Variants in CDC42EP5 observed in about 807,000 individuals in gnomAD.
CDC42EP5 encodes CDC42 effector protein (Rho GTPase binding) 5.
For missense variants in CDC42EP5, 269 were observed against 238.0 expected (o/e 1.13, Z -0.86); for synonymous variants, 118 against 123.3 (o/e 0.96, Z 0.28).
intron 2 of CDC42EP5, among the ~76,000 whole-genome samples, chr19:54,466,210 A>C (rs1418476515): frequency 6.6e-6 from 1 of 152,010 alleles, no homozygotes; most frequent in Admixed American, 6.6e-5. Context: ...TGGGAGGCCG[A>C]GGCGGGCGGA....
Position 54,466,688 on chromosome 19 carries a change from A to G in CDC42EP5, c.1-1141T>C, listed in dbSNP as rs545298535. Among the ~76,000 whole-genome samples, 573 of 152,110 alleles carry G rather than the reference A, an allele frequency of 3.8e-3. 6 individuals are homozygous for G. The highest frequency in any genetic ancestry group is 6.6e-3 in the Non-Finnish European group (449 of 67,992). On this transcript the variant is annotated intron_variant, in intron 2 of 2. Transcript: ENST00000301200. ...ACTGCTGATAAAAAATACTGGGGAA[A>G]AAATACAGTAATAAAAAATGAGTAC...
Position 54,465,094 on chromosome 19 carries a change from A to C in CDC42EP5, c.*7T>G. On this transcript the variant is annotated 3_prime_UTR_variant, in exon 3 of 3. Transcript: ENST00000301200. ...CCGGGCGGGAAGGGCGCGGGGAATGAGGGAACCTAGAGGCCGATGACGTCG... is the reference window on the plus strand; with the variant it reads ...CCGGGCGGGAAGGGCGCGGGGAATGCGGGAACCTAGAGGCCGATGACGTCG... 1 of 1,346,268 alleles carries C rather than the reference A, an allele frequency of 7.4e-7. No individual in the cohort carries two copies. Among genetic ancestry groups the C allele is most frequent in the South Asian group, 1.9e-5 (1 of 52,986 alleles). 83.4% of individuals were successfully genotyped at this position (1,346,268 alleles called of 1,614,324 possible). A position where few individuals can be genotyped will look rare whatever the true frequency, so the allele number is the denominator to read the frequency against.
intron 1 of CDC42EP5, among the ~76,000 whole-genome samples, chr19:54,472,665 C>A: frequency 2.4e-5 from 1 of 41,096 alleles, no homozygotes; most frequent in Non-Finnish European, 4.8e-5. Context: ...GCCCCCATCC[C>A]CTCCTCCCTC....
intron 2 of CDC42EP5, among the ~76,000 whole-genome samples, chr19:54,469,790 C>A (rs929058594): frequency 6.6e-6 from 1 of 152,172 alleles, no homozygotes; most frequent in Admixed American, 6.5e-5. Flanking sequence ...TAGGGAACTC[C>A]AGTGTCTAGA....
intron 2 of CDC42EP5, among the ~76,000 whole-genome samples, chr19:54,466,552 G>A (rs2084758164): frequency 6.6e-6 from 1 of 152,210 alleles, no homozygotes; most frequent in African/African-American, 2.4e-5. Flanking sequence ...CCTGCCTAGA[G>A]CCCACCACGC....
intron 2 of CDC42EP5, among the ~76,000 whole-genome samples, chr19:54,470,623 C>T (rs2084822561): frequency 6.6e-6 from 1 of 152,118 alleles, no homozygotes; most frequent in Non-Finnish European, 1.5e-5. Context: ...TTTCCAAGTG[C>T]TTATCCTGGG....
At chr19:54,468,210 C>T (rs555279711) in intron 2 of CDC42EP5, among the ~76,000 whole-genome samples, 2 of 152,276 alleles carry the variant, frequency 1.3e-5, no homozygotes, top group African/African-American at 4.8e-5. Flanking sequence ...GGATAGAACA[C>T]TATGAGAAAG....
rs750204751 is a variant in CDC42EP5, at chr19:54,465,443, G to C, written c.105C>G (p.His35Gln). ...CGAAGGCGTCGCCGCCGCGCCCCAC[G>C]TGCAGCGTGTGCCGGAAGTCGCCGA... ...APLGDFRHTL[H>Q]VGRGGDAFGD... The change falls in exon 3 of 3, where the codon CAC (histidine) becomes CAG (glutamine). Residue 35 changes from histidine (H) to glutamine (Q), a missense_variant. His to Gln is a conservative substitution (Grantham distance 24, BLOSUM62 0). Coordinates refer to ENST00000301200, the MANE Select transcript of CDC42EP5 (RefSeq NM_145057.4). 2.7e-6 allele frequency: 4 copies of C among 1,509,290 alleles called. No individual in the cohort carries two copies. The South Asian group carries it at 4.9e-5, about 18-fold the overall frequency. 93.5% of individuals were successfully genotyped at this position (1,509,290 alleles called of 1,614,324 possible).
rs1491162621 is a variant in CDC42EP5 at position 54,468,922 on chromosome 19, T to TCCTTCCTTCCTTCCTTCCTTC, written c.-1+2622_-1+2623insGAAGGAAGGAAGGAAGGAAGG. Among the ~76,000 whole-genome samples the TCCTTCCTTCCTTCCTTCCTTC allele has an allele frequency of 1.5e-3, 230 of 148,602 alleles. 4 individuals carry two copies. Among genetic ancestry groups the TCCTTCCTTCCTTCCTTCCTTC allele is most frequent in the African/African-American group, 5.5e-3 (221 of 40,284 alleles). ...TTCCTTCCTTCCTTCCTTCCTTCCT[T>TCCTTCCTTCCTTCCTTCCTTC]CTTTCTTTCTTTTCTTCCCTCCCTC... is the stretch of plus-strand genomic sequence containing the variant. On this transcript the variant is annotated intron_variant, in intron 2 of 2. Transcript: ENST00000301200.
intron 2 of CDC42EP5, among the ~76,000 whole-genome samples, chr19:54,466,727 T>C (rs375085054): frequency 6.6e-6 from 1 of 152,174 alleles, no homozygotes; most frequent in South Asian, 2.1e-4. Context: ...TTTCAAACAA[T>C]ATAACAATTA....
intron 2 of CDC42EP5, among the ~76,000 whole-genome samples, chr19:54,469,533 A>G (rs2084806949): frequency 6.6e-6 from 1 of 152,084 alleles, no homozygotes; most frequent in South Asian, 2.1e-4. Flanking sequence ...AACTTACTTG[A>G]CCTTTCTGAC....
chr19:54,467,797 A>G (rs1266575302), intron 2 of CDC42EP5, among the ~76,000 whole-genome samples: 4 of 152,224 alleles, frequency 2.6e-5, no homozygotes, highest in Non-Finnish European at 5.9e-5. Flanking sequence ...TGTTGGGAAT[A>G]CAGGCATGAG....
Position 54,473,114 on chromosome 19 carries a change from C to A in CDC42EP5, c.-192G>T. 6.5e-6 allele frequency: 1 copy of A among 153,780 alleles called. No homozygotes were observed. The highest frequency in any genetic ancestry group is 1.5e-5 in the Non-Finnish European group (1 of 68,906). 9.5% of individuals were successfully genotyped at this position (153,780 alleles called of 1,614,324 possible). On this transcript the variant is annotated 5_prime_UTR_variant, in exon 1 of 3. Transcript: ENST00000301200. ...CCCTCTCGGGGGCCATGGCAGGAGC[C>A]CAGGCAGAAGCGGAATCACCGCCCA...
chr19:54,471,212 T>TC (rs1383119708), intron 2 of CDC42EP5, among the ~76,000 whole-genome samples: 3 of 151,612 alleles, frequency 2.0e-5, no homozygotes, highest in Admixed American at 6.6e-5. Flanking sequence ...CCGCGCGTTC[T>TC]CCCCCCGCCT....
intron 2 of CDC42EP5, among the ~76,000 whole-genome samples, chr19:54,468,389 G>C (rs1345551472): frequency 6.6e-6 from 1 of 151,302 alleles, no homozygotes; most frequent in African/African-American, 2.4e-5. Context: ...TCTTTACATT[G>C]ATTTCCATGG....
intron 2 of CDC42EP5, among the ~76,000 whole-genome samples, chr19:54,470,572 G>A (rs898571812): frequency 2.6e-5 from 4 of 152,056 alleles, no homozygotes; most frequent in Non-Finnish European, 4.4e-5. Context: ...AAGAAAGAAA[G>A]GGAAGAAAGA....
chr19:54,470,540 AAAAG>A (rs978913381), intron 2 of CDC42EP5, among the ~76,000 whole-genome samples: 13 of 151,854 alleles, frequency 8.6e-5, no homozygotes, highest in Admixed American at 1.3e-4. Flanking sequence ...GAAGGAAGGA[AAAAG>A]AAAGAAAAAA....
intron 2 of CDC42EP5, among the ~76,000 whole-genome samples, chr19:54,470,417 G>A (rs1391119438): frequency 6.7e-6 from 1 of 148,238 alleles, no homozygotes; most frequent in Admixed American, 6.9e-5. Context: ...AAAAGAGAGA[G>A]AAGGAAAGGA....
chr19:54,471,903 T>C (rs1160265677), intron 1 of CDC42EP5, among the ~76,000 whole-genome samples: 2 of 56,154 alleles, frequency 3.6e-5, no homozygotes, highest in African/African-American at 7.7e-5. Context: ...GACCCAGGAG[T>C]CCAGACCCCC....
Sources: gnomAD v4.1 joint callset for allele counts (sites outside exome capture counted in the v4.1 genomes callset) on GRCh38, gnomAD v4.1.1 for gene constraint, MANE v1.5 for transcripts, NCBI Gene and HGNC (gene_info 2026-07-23, HGNC 2026-07-21) for gene names.